Variants in TMCO4 observed in about 807,000 individuals in gnomAD.
TMCO4 encodes the protein transmembrane and coiled-coil domains 4, also known as transmembrane and coiled-coil domain-containing protein 4.
In TMCO4, 58 loss-of-function variants were observed where a neutral mutation model predicts 64.7. That is an observed-to-expected ratio of 0.90 (90% CI 0.73 to 1.12). The LOEUF is 1.12. Ranked by LOEUF, TMCO4 falls within the 50% of genes most tolerant of loss-of-function variation. The probability of loss-of-function intolerance (pLI) is 0.00; values close to 1 mark genes in which losing one functional copy is unlikely to be tolerated. For synonymous variants in TMCO4, 325 were observed against 346.1 expected (o/e 0.94, Z 0.68); for missense variants, 780 against 825.9 (o/e 0.94, Z 0.68).
At chr1:19,709,290 G>A (rs113585842) in intron 13 of TMCO4, among the ~76,000 whole-genome samples, 1 of 70,578 alleles carries the variant, frequency 1.4e-5, no homozygotes, top group East Asian at 2.5e-4. Flanking sequence ...TCCCGGCGGG[G>A]GGGGGGGACC....
intron 13 of TMCO4, among the ~76,000 whole-genome samples, chr1:19,709,996 G>C (rs927174506): frequency 6.6e-6 from 1 of 151,814 alleles, no homozygotes; most frequent in South Asian, 2.1e-4. Flanking sequence ...GGTCAGGCTG[G>C]TCTTGAATTC....
Position 19,765,293 on chromosome 1 carries a change from T to G in TMCO4, c.382+5249A>C, listed in dbSNP as rs913009319. On this transcript the variant is annotated intron_variant, in intron 6 of 15. Transcript: ENST00000294543. ...TAACAGTACCAGTCTCAGCAGCAGA[T>G]CTGATGATCATCTACTCTGCAATAA... Among the ~76,000 whole-genome samples the G allele has an allele frequency of 3.9e-5, 6 of 152,178 alleles. No individual in the cohort carries two copies. In the East Asian group the frequency reaches 1.2e-3, roughly 29 times the overall value.
At chr1:19,733,858 C>T (rs945887351) in intron 13 of TMCO4, among the ~76,000 whole-genome samples, 2 of 151,944 alleles carry the variant, frequency 1.3e-5, no homozygotes, top group Non-Finnish European at 2.9e-5. Context: ...GCTCTGCCAC[C>T]TCCTAGCCGT....
At chr1:19,774,797 G>T (rs1438687597) in intron 4 of TMCO4, among the ~76,000 whole-genome samples, 2 of 150,650 alleles carry the variant, frequency 1.3e-5, no homozygotes, top group Non-Finnish European at 2.9e-5. Flanking sequence ...AGGAAGGGAG[G>T]TACTAGTTAA....
At chr1:19,770,792 T>G (rs41311997) in intron 5 of TMCO4, among the ~76,000 whole-genome samples, 17,809 of 152,172 alleles carry the variant, frequency 0.12, 1,136 homozygotes, top group Non-Finnish European at 0.13. Context: ...TTAAATCCAC[T>G]TACTTTCCCT....
intron 4 of TMCO4, among the ~76,000 whole-genome samples, chr1:19,773,813 C>T (rs1254411912): frequency 1.3e-5 from 2 of 152,098 alleles, no homozygotes; most frequent in Non-Finnish European, 2.9e-5. Context: ...AGACTAAAAA[C>T]GATGTTAGCT....
intron 2 of TMCO4, among the ~76,000 whole-genome samples, chr1:19,795,513 A>G (rs968919312): frequency 3.3e-5 from 5 of 152,166 alleles, no homozygotes; most frequent in African/African-American, 1.2e-4. Flanking sequence ...AATTTAAAAA[A>G]AATTTAAACA....
chr1:19,703,543 TTCTTTTCTTCC>T (rs2095285989), intron 13 of TMCO4, among the ~76,000 whole-genome samples: 2 of 151,056 alleles, frequency 1.3e-5, no homozygotes. Context: ...TTCTTTCTTT[TTCTTTTCTTCC>T]TCTTTTTTTT....
chr1:19,788,013 T>A (rs1011830641), intron 2 of TMCO4, among the ~76,000 whole-genome samples: 2 of 152,132 alleles, frequency 1.3e-5, no homozygotes, highest in Admixed American at 1.3e-4. Context: ...TGCCTCAGCC[T>A]CCCAAAGTGC....
chr1:19,724,907 G>GC (rs1250661007), intron 13 of TMCO4, among the ~76,000 whole-genome samples: 1 of 152,062 alleles, frequency 6.6e-6, no homozygotes, highest in African/African-American at 2.4e-5. Context: ...GACTACAGGC[G>GC]CACACCACAA....
chr1:19,682,328 G>A lies in TMCO4; in HGVS notation c.*712C>T. 3.0e-6 allele frequency: 1 copy of A among 331,124 alleles called. No individual in the cohort carries two copies. The highest frequency in any genetic ancestry group is 4.8e-5 in the East Asian group (1 of 20,872). The allele number at this position is 331,124 out of a possible 1,614,324, so 20.5% of individuals were successfully genotyped here. ...CATGTAAAATTCATTCTTGTCCCCAGGCCTAGTTCACAGCCATACTGAATG... is the reference window on the plus strand; with the variant it reads ...CATGTAAAATTCATTCTTGTCCCCAAGCCTAGTTCACAGCCATACTGAATG... On this transcript the variant is annotated 3_prime_UTR_variant, in exon 16 of 16. Coordinates refer to ENST00000294543, the MANE Select transcript of TMCO4 (RefSeq NM_181719.7).
chr1:19,795,668 T>C (rs778831661), intron 2 of TMCO4, among the ~76,000 whole-genome samples: 30 of 152,152 alleles, frequency 2.0e-4, no homozygotes, highest in Non-Finnish European at 4.0e-4. Context: ...GCCCTGAGAA[T>C]TGAAGGTCAA....
intron 15 of TMCO4, among the ~76,000 whole-genome samples, chr1:19,688,022 A>G (rs936871636): frequency 2.0e-5 from 3 of 152,116 alleles, no homozygotes; most frequent in African/African-American, 7.2e-5. Context: ...AGCACCAGAA[A>G]GTTCTGGTGT....
At chr1:19,739,997 T>C (rs6426825) in intron 11 of TMCO4, 37 bp from the exon 12 acceptor site, 229,326 of 1,583,784 alleles carry the variant, frequency 0.14, 18,448 homozygotes, top group African/African-American at 0.3. Flanking sequence ...GAATGGCCCC[T>C]GTCCTAGGGT....
intron 14 of TMCO4, among the ~76,000 whole-genome samples, chr1:19,695,617 CCTGT>C (rs908152703): frequency 3.9e-5 from 6 of 152,138 alleles, no homozygotes; most frequent in Non-Finnish European, 7.4e-5. Context: ...TCCTGGTGGC[CCTGT>C]CTATGTGCCC....
Position 19,740,869 on chromosome 1 carries a change from T to A in TMCO4, c.950A>T (p.Tyr317Phe), listed in dbSNP as rs763033284. The A allele has an allele frequency of 1.9e-6, 3 of 1,614,108 alleles. No individual in the cohort carries two copies. In the East Asian group the frequency reaches 6.7e-5, roughly 36 times the overall value. Reference protein sequence around the residue: ...EQYCLAWEAKYLMELGNALET... With the variant: ...EQYCLAWEAKFLMELGNALET... ...CAGGGCATTGCCGAGCTCCATCAGGTACTTGGCTTCCCAGGCCAGGCAGTA... is the reference window on the plus strand; with the variant it reads ...CAGGGCATTGCCGAGCTCCATCAGGAACTTGGCTTCCCAGGCCAGGCAGTA... The change falls in exon 11 of 16, where the codon TAC becomes TTC. Residue 317 changes from tyrosine (Y) to phenylalanine (F), a missense_variant. Physicochemically the swap from Tyr to Phe is conservative, Grantham distance 22. Coordinates refer to ENST00000294543, the MANE Select transcript of TMCO4 (RefSeq NM_181719.7).
intron 7 of TMCO4, 149 bp downstream of exon 7, chr1:19,755,485 A>G (rs1390512770): frequency 6.1e-6 from 7 of 1,151,450 alleles, no homozygotes; most frequent in Non-Finnish European, 8.5e-6. Context: ...AAGGCCACAC[A>G]GCGAGTCAGG....
intron 4 of TMCO4, among the ~76,000 whole-genome samples, chr1:19,776,011 G>A (rs866610176): frequency 2.0e-5 from 3 of 152,156 alleles, no homozygotes; most frequent in Non-Finnish European, 2.9e-5. Context: ...GGATTCAAGC[G>A]ATTCTTCTAC....
chr1:19,779,719 T>G (rs1410284016), intron 4 of TMCO4, among the ~76,000 whole-genome samples: 2 of 152,172 alleles, frequency 1.3e-5, no homozygotes, highest in Non-Finnish European at 2.9e-5. Context: ...CGTCTTTGTT[T>G]CCTCCACAGG....
Sources: allele counts gnomAD v4.1 joint callset (sites outside exome capture counted in the v4.1 genomes callset), GRCh38; gene constraint gnomAD v4.1.1; transcripts MANE v1.5; gene names NCBI Gene and HGNC (gene_info 2026-07-23, HGNC 2026-07-21).